RASGRF2: variants seen among roughly 807,000 people sequenced by gnomAD.
RASGRF2 encodes ras-specific guanine nucleotide-releasing factor 2.
RASGRF2 carries 76 observed loss-of-function variants against 151.0 expected under a neutral mutation model. The ratio of observed to expected loss-of-function variants is 0.50; its 90% CI spans 0.42 to 0.61. The LOEUF is 0.61. Among genes scored for constraint, RASGRF2 ranks in the 20% least tolerant of loss-of-function variants. RASGRF2 has a pLI of 0.00. For missense variants in RASGRF2, 1,148 were observed against 1,564.6 expected, an observed-to-expected ratio of 0.73 and a Z score of 4.49; for synonymous variants, 504 against 566.5, an observed-to-expected ratio of 0.89 and a Z score of 1.57.
Position 81,208,449 on chromosome 5 carries a change from G to GT in RASGRF2, c.3156+12dup. On this transcript the variant is annotated intron_variant, in intron 22 of 26. Coordinates refer to ENST00000265080, the MANE Select transcript of RASGRF2 (RefSeq NM_006909.3). ...CAACACTTCAATGACGTGAGTAACC[G>GT]TAACAGTAAAACCGTGGGCGTGTCA... 1 of 1,529,742 alleles carries GT rather than the reference G, an allele frequency of 6.5e-7. No individual in the cohort carries two copies. Among genetic ancestry groups the GT allele is most frequent in the African/African-American group, 1.4e-5 (1 of 71,632 alleles). 94.8% of individuals were successfully genotyped at this position (1,529,742 alleles called of 1,614,324 possible).
intron 19 of RASGRF2, among the ~76,000 whole-genome samples, chr5:81,203,786 A>G (rs1755446873): frequency 1.3e-5 from 2 of 152,252 alleles, no homozygotes; most frequent in South Asian, 4.1e-4. Context: ...GAAATGTGTA[A>G]GGAGGTTAAC....
At chr5:81,200,114 T>A (rs1013791320) in intron 18 of RASGRF2, among the ~76,000 whole-genome samples, 37 of 151,046 alleles carry the variant, frequency 2.4e-4, no homozygotes, top group Admixed American at 2.4e-3. Flanking sequence ...CTACAAAAAA[T>A]TTAAAAATTG....
intron 1 of RASGRF2, among the ~76,000 whole-genome samples, chr5:81,041,338 T>A (rs886982773): frequency 1.3e-5 from 2 of 151,834 alleles, no homozygotes; most frequent in Non-Finnish European, 2.9e-5. Flanking sequence ...TTGTACTGAC[T>A]GATCGTGATC....
At chr5:80,981,896 A>T (rs1408218146) in intron 1 of RASGRF2, among the ~76,000 whole-genome samples, 1 of 152,196 alleles carries the variant, frequency 6.6e-6, no homozygotes, top group Non-Finnish European at 1.5e-5. Context: ...AAAGCAAAGC[A>T]TCTAGTTTCA....
intron 1 of RASGRF2, among the ~76,000 whole-genome samples, chr5:80,969,674 A>G (rs938786957): frequency 2.7e-5 from 4 of 150,248 alleles, no homozygotes; most frequent in African/African-American, 7.3e-5. Flanking sequence ...GATGATCTCG[A>G]TCTCCTGACC....
intron 17 of RASGRF2, among the ~76,000 whole-genome samples, chr5:81,144,643 T>TTA (rs1753962365): frequency 1.3e-5 from 2 of 152,220 alleles, no homozygotes; most frequent in Non-Finnish European, 2.9e-5. Context: ...GTTGCACTTA[T>TTA]TATCAACATA....
chr5:81,081,095 C>A (rs888880088), intron 7 of RASGRF2, among the ~76,000 whole-genome samples: 1 of 152,208 alleles, frequency 6.6e-6, no homozygotes, highest in African/African-American at 2.4e-5. Context: ...GGAGTCTCCT[C>A]CTCCAGCATG....
At chr5:81,107,435 AC>A (rs1752876210) in intron 12 of RASGRF2, among the ~76,000 whole-genome samples, 1 of 152,168 alleles carries the variant, frequency 6.6e-6, no homozygotes, top group African/African-American at 2.4e-5. Flanking sequence ...CTTGATGAGA[AC>A]CCATGAGATA....
chr5:81,212,842 G>T (rs1755655912), intron 23 of RASGRF2, among the ~76,000 whole-genome samples: 1 of 152,144 alleles, frequency 6.6e-6, no homozygotes, highest in African/African-American at 2.4e-5. Context: ...AGGGTACATT[G>T]ATTTTGAGCA....
In RASGRF2 at chr5:81,062,929, G is replaced by A. The variant is rs144525192; in HGVS notation, c.396-5103G>A. Reference sequence around the variant, plus strand: ...CCTGGTACTTGGTCAGTGATTGGTTGTCTGTGTATTGTTTATTGTTTTAGA... The same window carrying A: ...CCTGGTACTTGGTCAGTGATTGGTTATCTGTGTATTGTTTATTGTTTTAGA... On this transcript the variant is annotated intron_variant, in intron 2 of 26. Transcript: ENST00000265080. 1.3e-3 allele frequency among the ~76,000 whole-genome samples: 197 copies of A among 152,062 alleles called. 1 individual carries two copies. Among genetic ancestry groups the A allele is most frequent in the African/African-American group, 4.5e-3 (188 of 41,504 alleles).
chr5:81,155,123 G>C (rs1048567038), intron 17 of RASGRF2, among the ~76,000 whole-genome samples: 4 of 152,032 alleles, frequency 2.6e-5, no homozygotes, highest in Non-Finnish European at 5.9e-5. Flanking sequence ...GAAAATGAAA[G>C]CACAATATAC....
intron 17 of RASGRF2, among the ~76,000 whole-genome samples, chr5:81,173,765 A>C (rs555160649): frequency 3.3e-5 from 5 of 152,212 alleles, no homozygotes; most frequent in Non-Finnish European, 7.3e-5. Flanking sequence ...ATTATTCTGG[A>C]AGAGATAGGC....
chr5:81,012,186 G>T (rs2112316698), intron 1 of RASGRF2, among the ~76,000 whole-genome samples: 1 of 152,244 alleles, frequency 6.6e-6, no homozygotes, highest in African/African-American at 2.4e-5. Context: ...TACCCCATTT[G>T]CCTTTATACT....
intron 2 of RASGRF2, among the ~76,000 whole-genome samples, chr5:81,056,247 T>C (rs1202052158): frequency 2.6e-5 from 4 of 152,248 alleles, no homozygotes; most frequent in Non-Finnish European, 5.9e-5. Flanking sequence ...TCTTTCCTGC[T>C]TTCTCTTGTG....
intron 7 of RASGRF2, among the ~76,000 whole-genome samples, chr5:81,081,827 A>C (rs1340224375): frequency 6.6e-6 from 1 of 152,244 alleles, no homozygotes; most frequent in Non-Finnish European, 1.5e-5. Context: ...GAAAGGATGC[A>C]TTTAAAACCA....
intron 17 of RASGRF2, among the ~76,000 whole-genome samples, chr5:81,140,325 G>GT (rs1239935734): frequency 6.6e-6 from 1 of 151,566 alleles, no homozygotes; most frequent in Non-Finnish European, 1.5e-5. Context: ...ATTTTCTATT[G>GT]TTTTTTTCCA....
At chr5:81,171,397 G>A (rs1023750308) in intron 17 of RASGRF2, among the ~76,000 whole-genome samples, 5 of 152,150 alleles carry the variant, frequency 3.3e-5, no homozygotes, top group South Asian at 2.1e-4. Flanking sequence ...GCTGGAGTGC[G>A]ACATCTTATC....
chr5:81,003,188 G>A (rs551818937), intron 1 of RASGRF2, among the ~76,000 whole-genome samples: 2 of 151,184 alleles, frequency 1.3e-5, no homozygotes, highest in South Asian at 4.2e-4. Context: ...CCCGAGTAGC[G>A]GGATTATGGA....
At chr5:81,098,355 A>C (rs531953796) in intron 12 of RASGRF2, among the ~76,000 whole-genome samples, 36 of 152,286 alleles carry the variant, frequency 2.4e-4, no homozygotes, top group African/African-American at 8.4e-4. Flanking sequence ...GGGATATAGA[A>C]GTCCAGCATT....
Sources: gnomAD v4.1 joint callset for allele counts (sites outside exome capture counted in the v4.1 genomes callset) on GRCh38, gnomAD v4.1.1 for gene constraint, MANE v1.5 for transcripts, NCBI Gene and HGNC (gene_info 2026-07-23, HGNC 2026-07-21) for gene names.